The following STAU1 variants were observed in gnomAD, a reference collection of about 807,000 sequenced individuals.
STAU1 encodes the protein staufen double-stranded RNA binding protein 1, also known as double-stranded RNA-binding protein Staufen homolog 1.
In STAU1, 13 loss-of-function variants were observed where a neutral mutation model predicts 62.9. The observed-to-expected ratio is 0.21, with a 90% CI of 0.13 to 0.33. The LOEUF (loss-of-function observed/expected upper bound fraction) is 0.33. STAU1 is among the 10% of genes least tolerant of loss of function. The probability of loss-of-function intolerance (pLI) is 1.00; values close to 1 mark genes in which losing one functional copy is unlikely to be tolerated. For missense variants in STAU1, 571 were observed against 712.1 expected, an observed-to-expected ratio of 0.80 and a Z score of 2.25; for synonymous variants, 269 against 265.1, an observed-to-expected ratio of 1.01 and a Z score of -0.14.
In STAU1 at chr20:49,154,019, T is replaced by G; in HGVS notation, c.258A>C (p.Lys86Asn). 1 of 1,613,782 alleles carries G rather than the reference T, an allele frequency of 6.2e-7. No individual in the cohort carries two copies. Among genetic ancestry groups the G allele is most frequent in the South Asian group, 1.1e-5 (1 of 90,948 alleles). The change falls in exon 4 of 14, where the codon AAA becomes AAC. Residue 86 changes from lysine (K) to asparagine (N), a missense_variant. Coordinates refer to ENST00000371856, the MANE Select transcript of STAU1 (RefSeq NM_017453.4). The part of the protein sequence containing the change: ...ELNALCMKLG[K>N]KPMYKPVDPY... ...GGTCAACAGGCTTATACATTGGTTTTTTTCCAAGTTTCATGCACAGTGCAT... is the reference window on the plus strand; with the variant it reads ...GGTCAACAGGCTTATACATTGGTTTGTTTCCAAGTTTCATGCACAGTGCAT...
intron 12 of STAU1, among the ~76,000 whole-genome samples, chr20:49,116,531 G>A (rs150402820): frequency 0.012 from 1,786 of 151,992 alleles, 39 homozygotes; most frequent in African/African-American, 0.04. Context: ...TAGAGATGGG[G>A]TTTCACCACG....
chr20:49,135,983 A>G (rs2146038724), intron 5 of STAU1, 52 bp from the exon 6 acceptor site: 1 of 1,421,890 alleles, frequency 7.0e-7, no homozygotes, highest in Non-Finnish European at 9.8e-7. Context: ...GTCAATGGCC[A>G]GGTGAGTTGG....
At chr20:49,128,638 T>C (rs926825785) in intron 6 of STAU1, among the ~76,000 whole-genome samples, 2 of 151,924 alleles carry the variant, frequency 1.3e-5, no homozygotes, top group African/African-American at 4.8e-5. Context: ...GGTTATTTAA[T>C]AAAGGACTGT....
At chr20:49,215,744 C>T in the STAU1 span, among the ~76,000 whole-genome samples, 2 of 152,072 alleles carry the variant, frequency 1.3e-5, no homozygotes, top group Non-Finnish European at 2.9e-5. Context: ...CAGTGGCTGA[C>T]GCCTGTAATT....
At chr20:49,187,124 G>C (rs919865869) in intron 1 of STAU1, among the ~76,000 whole-genome samples, 1 of 152,112 alleles carries the variant, frequency 6.6e-6, no homozygotes. Flanking sequence ...CCAACACACA[G>C]CAAGTGCTCT....
chr20:49,216,048 G>A, the STAU1 span, among the ~76,000 whole-genome samples: 24,187 of 114,138 alleles, frequency 0.21, 2,327 homozygotes, highest in Non-Finnish European at 0.25. Flanking sequence ...AGAAGAAGAA[G>A]AAAAAAAAAG....
intron 9 of STAU1, among the ~76,000 whole-genome samples, chr20:49,118,944 C>G (rs1320954687): frequency 6.6e-6 from 1 of 152,200 alleles, no homozygotes; most frequent in African/African-American, 2.4e-5. Context: ...CTACAAGATT[C>G]TGAAATGAAA....
Position 49,166,164 on chromosome 20 carries a change from G to A in STAU1, c.38C>T (p.Ala13Val). 1 of 1,614,190 alleles carries A rather than the reference G, an allele frequency of 6.2e-7. No individual in the cohort carries two copies. The highest frequency in any genetic ancestry group is 8.5e-7 in the Non-Finnish European group (1 of 1,180,040). The change falls in exon 3 of 14, where the codon GCT (alanine) becomes GTT (valine). Residue 13 changes from alanine (A) to valine (V), a missense_variant. Around this residue, in one of 3 missense-constraint regions of STAU1, gnomAD observed 414 missense variants for 499.6 expected, o/e 0.83. Coordinates refer to ENST00000371856, the MANE Select transcript of STAU1 (RefSeq NM_017453.4). ...QVQVQVQNPS[A>V]ALSGSQILNK... ...CAGTATTTGGCTCCCTGAGAGAGCA[G>A]CAGATGGGTTCTGAACTTGCACTTG... is the stretch of plus-strand genomic sequence containing the variant.
At chr20:49,188,009 G>A (rs867118782) in intron 1 of STAU1, 107 bp downstream of exon 1, 4 of 151,404 alleles carry the variant, frequency 2.6e-5, no homozygotes, top group Non-Finnish European at 4.4e-5. Flanking sequence ...AGAAGGCGGA[G>A]GGGTGCGCGG....
At chr20:49,207,150 C>G in the STAU1 span, among the ~76,000 whole-genome samples, 1 of 151,758 alleles carries the variant, frequency 6.6e-6, no homozygotes. Flanking sequence ...CACTTGAGCC[C>G]AAGAATTTGA....
intron 6 of STAU1, among the ~76,000 whole-genome samples, chr20:49,128,686 C>A (rs986736196): frequency 1.3e-5 from 2 of 150,930 alleles, no homozygotes; most frequent in Admixed American, 1.3e-4. Flanking sequence ...GTAATCCCAG[C>A]CTGGGCGACA....
upstream of STAU1, among the ~76,000 whole-genome samples, chr20:49,189,181 C>T (rs1379637104): frequency 7.7e-5 from 9 of 117,186 alleles, no homozygotes; most frequent in Admixed American, 4.6e-4. Context: ...CCAGCCTTGG[C>T]GACAAAGAGA....
At chr20:49,207,618 C>G in the STAU1 span, among the ~76,000 whole-genome samples, 1 of 151,658 alleles carries the variant, frequency 6.6e-6, no homozygotes, top group East Asian at 1.9e-4. Context: ...CAGGTTCAAG[C>G]AATTCTCCTG....
chr20:49,137,043 T>C (rs2092900939), intron 5 of STAU1, among the ~76,000 whole-genome samples: 2 of 152,066 alleles, frequency 1.3e-5, no homozygotes, highest in Admixed American at 6.6e-5. Flanking sequence ...TACACGACTA[T>C]TGCCCCAGTA....
chr20:49,181,763 CAACAAAAAAAAAAAAAAAAAAAAAA>C (rs2093728315), intron 1 of STAU1, among the ~76,000 whole-genome samples: 1 of 66,702 alleles, frequency 1.5e-5, no homozygotes, highest in Non-Finnish European at 2.8e-5. Context: ...AAGACTATCT[CAACAAAAAAAAAAAAAAAAAAAAAA>C]AAAAAAAAAG....
chr20:49,154,439 TAATC>T (rs2093322525), intron 3 of STAU1, among the ~76,000 whole-genome samples: 1 of 152,270 alleles, frequency 6.6e-6, no homozygotes, highest in African/African-American at 2.4e-5. Flanking sequence ...TGAGAATACT[TAATC>T]AATATAACCT....
At chr20:49,119,810 G>T (rs1381477533) in intron 9 of STAU1, among the ~76,000 whole-genome samples, 172 bp downstream of exon 9, 1 of 152,152 alleles carries the variant, frequency 6.6e-6, no homozygotes, top group East Asian at 1.9e-4. Context: ...CAGTGGACAT[G>T]CGAGGCCCCT....
chr20:49,195,967 G>T, the STAU1 span, among the ~76,000 whole-genome samples: 3 of 142,210 alleles, frequency 2.1e-5, no homozygotes, highest in East Asian at 4.4e-4. Context: ...TGGCTGGGCC[G>T]CTGGCTCATG....
intron 1 of STAU1, among the ~76,000 whole-genome samples, chr20:49,185,664 G>A (rs1403323167): frequency 6.6e-6 from 1 of 152,088 alleles, no homozygotes; most frequent in African/African-American, 2.4e-5. Context: ...AAACAAAACC[G>A]ACCTTGGCTA....
Sources: gnomAD v4.1 joint callset for allele counts (sites outside exome capture counted in the v4.1 genomes callset) on GRCh38, gnomAD v4.1.1 for gene constraint, gnomAD v4.1.1 regional missense constraint, MANE v1.5 for transcripts, NCBI Gene and HGNC (gene_info 2026-07-23, HGNC 2026-07-21) for gene names.